The following ANKFY1 variants were observed in gnomAD, a reference collection of about 807,000 sequenced individuals.
The protein encoded by ANKFY1 is ankyrin repeat and FYVE domain containing 1.
In ANKFY1, 47 loss-of-function variants were observed where a neutral mutation model predicts 128.3. The observed-to-expected ratio is 0.37, with a 90% CI of 0.29 to 0.47. The LOEUF is 0.47. ANKFY1 is among the 20% of genes least tolerant of loss of function. ANKFY1 has a pLI of 1.00. For missense variants in ANKFY1, 1,222 were observed against 1,510.6 expected (o/e 0.81, Z 3.17); for synonymous variants, 553 against 601.6 (o/e 0.92, Z 1.18).
rs1190864947 is a variant in ANKFY1 at position 4,203,841 on chromosome 17, AAAAG to A, written c.898+2476_898+2479del. 4.0e-3 allele frequency among the ~76,000 whole-genome samples: 547 copies of A among 136,058 alleles called. 19 individuals are homozygous for A. The highest frequency in any genetic ancestry group is 0.022 in the Middle Eastern group (6 of 272). The allele number at this position is 136,058 out of a possible 152,430, so 89.3% of individuals were successfully genotyped here. ...AACAACAACAACAAAAAAAAAAAAA[AAAAG>A]AAAGAAAGAAAGAAAAAAGAAACCC... On this transcript the variant is annotated intron_variant, in intron 7 of 24. Transcript: ENST00000341657.
intron 8 of ANKFY1, among the ~76,000 whole-genome samples, chr17:4,196,240 G>A (rs906239706): frequency 2.0e-5 from 3 of 151,564 alleles, no homozygotes; most frequent in African/African-American, 7.3e-5. Context: ...ATCAACAGCA[G>A]GGAAAGGGAT....
chr17:4,188,481 C>G (rs973071554), intron 11 of ANKFY1: 1 of 152,106 alleles, frequency 6.6e-6, no homozygotes, highest in East Asian at 1.9e-4. Context: ...AGGTCCTTGA[C>G]TCCAAAATAG....
intron 4 of ANKFY1, among the ~76,000 whole-genome samples, chr17:4,212,929 C>T (rs1386955534): frequency 6.6e-6 from 1 of 151,084 alleles, no homozygotes; most frequent in Non-Finnish European, 1.5e-5. Flanking sequence ...TGCCGCCACA[C>T]CCAGCTAATT....
chr17:4,255,606 G>T (rs1413596442), intron 1 of ANKFY1, among the ~76,000 whole-genome samples: 1 of 152,046 alleles, frequency 6.6e-6, no homozygotes, highest in African/African-American at 2.4e-5. Flanking sequence ...CTTTAACTAT[G>T]TCCATTAGAT....
At chr17:4,213,003 C>T (rs926262042) in intron 4 of ANKFY1, among the ~76,000 whole-genome samples, 4 of 151,910 alleles carry the variant, frequency 2.6e-5, no homozygotes, top group Non-Finnish European at 4.4e-5. Flanking sequence ...TCTCGATCTT[C>T]TGACCTCATG....
At position 4,255,746 on chromosome 17, in the gene ANKFY1, A is replaced by C. The variant is rs561310888; in HGVS notation, c.10+8186T>G. Reference sequence around the variant, plus strand: ...TCATTAAAGTGTCAGCTTCCCAGAAAATACTATCTTCCTTGGCATCAGATT... The same window carrying C: ...TCATTAAAGTGTCAGCTTCCCAGAACATACTATCTTCCTTGGCATCAGATT... On this transcript the variant is annotated intron_variant, in intron 1 of 24. Transcript: ENST00000341657. Among the ~76,000 whole-genome samples, 8 of 152,274 alleles carry C rather than the reference A, an allele frequency of 5.3e-5. No individual in the cohort carries two copies. The East Asian group carries it at 1.2e-3, about 22-fold the overall frequency.
At chr17:4,242,474 T>C in intron 1 of ANKFY1, 26 bp from the exon 2 acceptor site, 1 of 1,515,006 alleles carries the variant, frequency 6.6e-7, no homozygotes, top group Non-Finnish European at 8.8e-7. Flanking sequence ...AGAATCAAGT[T>C]CACCGTGGCT....
At chr17:4,250,329 CAA>C (rs1967760353) in intron 1 of ANKFY1, among the ~76,000 whole-genome samples, 1 of 152,158 alleles carries the variant, frequency 6.6e-6, no homozygotes, top group South Asian at 2.1e-4. Flanking sequence ...TTCCTCAAAT[CAA>C]AGTCTTCTTC....
chr17:4,217,641 T>A (rs2060243067), intron 3 of ANKFY1, among the ~76,000 whole-genome samples: 1 of 152,128 alleles, frequency 6.6e-6, no homozygotes, highest in Admixed American at 6.6e-5. Flanking sequence ...ATATGTCGAA[T>A]AAATTGGGGA....
intron 11 of ANKFY1, chr17:4,187,948 G>C (rs151325629): frequency 6.6e-6 from 1 of 152,296 alleles, no homozygotes; most frequent in East Asian, 1.9e-4. Context: ...GATTACAGGC[G>C]TGAGCCACCG....
rs377420756 is a variant in ANKFY1 at position 4,167,001 on chromosome 17, T to C, written c.*778A>G. On this transcript the variant is annotated 3_prime_UTR_variant, in exon 25 of 25. Transcript: ENST00000341657. This position sits in a 1 kb window ranked among gnomAD's most constrained non-coding sequence, Gnocchi z 4.1. The stretch of plus-strand genomic sequence containing the variant: ...TATAAAAAGTGCAGCACAGTAAAAG[T>C]GCATTTCCTCCAGCACTCTCCAACA... 6.5e-6 allele frequency: 1 copy of C among 152,690 alleles called. No individual in the cohort carries two copies. The highest frequency in any genetic ancestry group is 2.1e-4 in the South Asian group (1 of 4,816). The allele number at this position is 152,690 out of a possible 1,614,324, so 9.5% of individuals were successfully genotyped here. A position where few individuals can be genotyped will look rare whatever the true frequency, so the allele number is the denominator to read the frequency against.
Position 4,207,936 on chromosome 17 carries a change from G to A in ANKFY1, c.729C>T (p.Ser243=). The A allele has an allele frequency of 1.9e-6, 3 of 1,589,150 alleles. No individual in the cohort carries two copies. Among genetic ancestry groups the A allele is most frequent in the Non-Finnish European group, 2.6e-6 (3 of 1,170,224 alleles). The change falls in exon 6 of 25, where the codon TCC becomes TCT. Residue 243 remains serine (S), a synonymous_variant. Transcript: ENST00000341657. ...ATGGAAAAGGCAGCTACAGTACCTGGGAATCCATTTCAATCAGATACAGGA... is the reference window on the plus strand; with the variant it reads ...ATGGAAAAGGCAGCTACAGTACCTGAGAATCCATTTCAATCAGATACAGGA... ...VVFLYLIEMD[S]QLPGKLNEAD...
Position 4,189,284 on chromosome 17 carries a change from T to G in ANKFY1, c.1470+98A>C, listed in dbSNP as rs2059668146. 3 of 1,010,558 alleles carry G rather than the reference T, an allele frequency of 3.0e-6. No homozygotes were observed. In the South Asian group the frequency reaches 4.6e-5, roughly 16 times the overall value. The allele number at this position is 1,010,558 out of a possible 1,614,324, so 62.6% of individuals were successfully genotyped here. A position where few individuals can be genotyped will look rare whatever the true frequency, so the allele number is the denominator to read the frequency against. On this transcript the variant is annotated intron_variant, in intron 11 of 24. Transcript: ENST00000341657. ...TGCATGTATTATTCTGATTAAAAAC[T>G]GAAAAAAACCACCTATTCCCCTTTT...
chr17:4,228,948 G>A (rs1416276945), intron 3 of ANKFY1, among the ~76,000 whole-genome samples: 1 of 152,112 alleles, frequency 6.6e-6, no homozygotes, highest in African/African-American at 2.4e-5. Flanking sequence ...CTTGCTAACT[G>A]TGTGGAGTTA....
Position 4,165,502 on chromosome 17 carries a change from C to G in ANKFY1, c.*2277G>C, listed in dbSNP as rs1043081668. 6.6e-6 allele frequency: 1 copy of G among 152,240 alleles called. No homozygotes were observed. The highest frequency in any genetic ancestry group is 1.5e-5 in the Non-Finnish European group (1 of 68,052). 9.4% of individuals were successfully genotyped at this position (152,240 alleles called of 1,614,324 possible). A position where few individuals can be genotyped will look rare whatever the true frequency, so the allele number is the denominator to read the frequency against. Reference sequence around the variant, plus strand: ...AGGGCAGGGCATGTTGGAGTCAGCTCCCACTCAAGCAGCCTGCTGAGTGCA... The same window carrying G: ...AGGGCAGGGCATGTTGGAGTCAGCTGCCACTCAAGCAGCCTGCTGAGTGCA... On this transcript the variant is annotated 3_prime_UTR_variant, in exon 25 of 25. Coordinates refer to ENST00000341657, the MANE Select transcript of ANKFY1 (RefSeq NM_001330063.2).
chr17:4,208,228 A>C, intron 5 of ANKFY1, 146 bp from the exon 6 acceptor site: 2 of 658,014 alleles, frequency 3.0e-6, no homozygotes, highest in Non-Finnish European at 4.8e-6. Flanking sequence ...CCAAAACCCA[A>C]TGAAGTAAGT....
chr17:4,172,202 T>C (rs1165741639), intron 22 of ANKFY1, among the ~76,000 whole-genome samples: 1 of 152,198 alleles, frequency 6.6e-6, no homozygotes, highest in Non-Finnish European at 1.5e-5. Context: ...TTTCTTCCTT[T>C]TGAAGATCCT....
At chr17:4,213,171 C>T (rs2060164661) in intron 4 of ANKFY1, among the ~76,000 whole-genome samples, 1 of 152,100 alleles carries the variant, frequency 6.6e-6, no homozygotes, top group African/African-American at 2.4e-5. Flanking sequence ...CAGGCACCTG[C>T]TTTACACTAA....
chr17:4,216,935 C>T (rs766423898), intron 4 of ANKFY1, 48 bp downstream of exon 4: 3 of 1,611,928 alleles, frequency 1.9e-6, no homozygotes, highest in Non-Finnish European at 2.5e-6. Flanking sequence ...ATAATTAAAG[C>T]TCAGCCACCA....
Sources: allele counts gnomAD v4.1 joint callset (sites outside exome capture counted in the v4.1 genomes callset), GRCh38; gene constraint gnomAD v4.1.1; non-coding constraint Gnocchi (gnomAD v3.1); transcripts MANE v1.5; gene names NCBI Gene and HGNC (gene_info 2026-07-23, HGNC 2026-07-21).